Variants in ICE1 observed in about 807,000 individuals in gnomAD.
ICE1 encodes interactor of little elongation complex ELL subunit 1.
Under a neutral mutation model 192.7 loss-of-function variants are expected in ICE1, and 64 were observed. That is an observed-to-expected ratio of 0.33 (90% CI 0.27 to 0.41). The LOEUF is 0.41. Ranked by LOEUF, ICE1 falls within the 10% of genes least tolerant of loss-of-function variation. The pLI is 1.00. For synonymous variants in ICE1, 1,010 were observed against 984.5 expected (o/e 1.03, Z -0.49); for missense variants, 2,708 against 2,696.0 (o/e 1.00, Z -0.10).
chr5:5,467,143 A>G (rs1372860227), intron 14 of ICE1, among the ~76,000 whole-genome samples: 2 of 152,226 alleles, frequency 1.3e-5, no homozygotes, highest in African/African-American at 4.8e-5. Flanking sequence ...GAGTATATCC[A>G]TCACTTTTAC....
In ICE1 at chr5:5,461,457, C is replaced by G; in HGVS notation, c.2123C>G (p.Pro708Arg). 1.2e-6 allele frequency: 2 copies of G among 1,613,950 alleles called. No homozygotes were observed. The highest frequency in any genetic ancestry group is 1.7e-6 in the Non-Finnish European group (2 of 1,179,886). ...GAGAATAGCTTGTGTGCCTTGAGCC[C>G]TGAATTGGGAGCATCTAATTTTAAT... ...NLENSLCALS[P>R]ELGASNFNDQ... Residue 708 changes from proline (P) to arginine (R), a missense_variant, in exon 13 of 19, where the codon CCT becomes CGT. Coordinates refer to ENST00000296564, the MANE Select transcript of ICE1 (RefSeq NM_015325.3).
chr5:5,429,098 TCA>T (rs1171818900), intron 1 of ICE1, among the ~76,000 whole-genome samples: 1 of 151,890 alleles, frequency 6.6e-6, no homozygotes, highest in Non-Finnish European at 1.5e-5. Flanking sequence ...CCCAGTAGAG[TCA>T]CACAGCACAT....
intron 11 of ICE1, 56 bp downstream of exon 11, chr5:5,454,694 A>G (rs1281767098): frequency 6.8e-6 from 9 of 1,328,970 alleles, no homozygotes; most frequent in Admixed American, 1.8e-5. Flanking sequence ...GAGCTTAACC[A>G]TAGGCATAGC....
chr5:5,475,883 CTT>C, intron 16 of ICE1, 88 bp from the exon 17 acceptor site: 2 of 807,784 alleles, frequency 2.5e-6, no homozygotes, highest in Non-Finnish European at 4.1e-6. Context: ...CAGTTATCCT[CTT>C]TCACTTATTG....
At chr5:5,432,276 C>T (rs1273415140) in intron 1 of ICE1, among the ~76,000 whole-genome samples, 2 of 152,202 alleles carry the variant, frequency 1.3e-5, no homozygotes, top group Middle Eastern at 6.3e-3. Context: ...TGAATGGACT[C>T]TAGAATACAC....
At chr5:5,439,152 G>A (rs891368991) in intron 3 of ICE1, among the ~76,000 whole-genome samples, 2 of 152,048 alleles carry the variant, frequency 1.3e-5, no homozygotes, top group African/African-American at 4.8e-5. Flanking sequence ...GGCAAGAAAT[G>A]TATTTTATTT....
At chr5:5,444,357 C>G in intron 7 of ICE1, 31 bp downstream of exon 7, 1 of 1,520,444 alleles carries the variant, frequency 6.6e-7, no homozygotes, top group Non-Finnish European at 8.9e-7. Flanking sequence ...CTGAAGTTTT[C>G]GGTCAGTACA....
intron 18 of ICE1, 146 bp from the exon 19 acceptor site, chr5:5,489,003 T>G (rs1311679318): frequency 2.8e-6 from 2 of 716,180 alleles, no homozygotes; most frequent in African/African-American, 3.6e-5. Context: ...TAAATGAATT[T>G]TTTTACTGTG....
intron 15 of ICE1, among the ~76,000 whole-genome samples, chr5:5,470,805 A>C (rs772206476): frequency 5.3e-5 from 8 of 152,178 alleles, no homozygotes; most frequent in Non-Finnish European, 7.4e-5. Context: ...TGAAATTGAG[A>C]TATACATTCT....
At chr5:5,447,086 C>G (rs754836196) in intron 7 of ICE1, among the ~76,000 whole-genome samples, 5 of 152,288 alleles carry the variant, frequency 3.3e-5, no homozygotes, top group Admixed American at 6.5e-5. Context: ...TCTAAAATTT[C>G]TAGGACTTTA....
intron 17 of ICE1, among the ~76,000 whole-genome samples, chr5:5,482,554 G>A (rs373857720): frequency 1.3e-5 from 2 of 152,194 alleles, no homozygotes; most frequent in Non-Finnish European, 2.9e-5. Flanking sequence ...GGGCTGCCAC[G>A]TGTGCACAGG....
rs544555738 is a variant in ICE1, at chr5:5,469,745, C to T, written c.6222+757C>T. ...TGTTAGGCTTTTATTTTTTATAAAA[C>T]GTAAAGGAAAGAGCTTTTGGTGGTC... is the stretch of plus-strand genomic sequence containing the variant. On this transcript the variant is annotated intron_variant, in intron 15 of 18. Transcript: ENST00000296564. Among the ~76,000 whole-genome samples, 10 of 151,866 alleles carry T rather than the reference C, an allele frequency of 6.6e-5. No individual in the cohort carries two copies. In the East Asian group the frequency reaches 1.2e-3, roughly 18 times the overall value.
In ICE1 at chr5:5,459,618, T is replaced by C. The variant is rs568891144; in HGVS notation, c.1102-818T>C. Among the ~76,000 whole-genome samples the C allele has an allele frequency of 6.6e-5, 10 of 152,010 alleles. 1 individual carries two copies. In the South Asian group the frequency reaches 1.9e-3, roughly 28 times the overall value. ...AAGGAGATTGAAAAGAAGGGCAGAA[T>C]AGACGAAAGCCAGGAGATGATGGTA... On this transcript the variant is annotated intron_variant, in intron 12 of 18. Transcript: ENST00000296564.
At chr5:5,439,503 C>T (rs1737975566) in intron 3 of ICE1, among the ~76,000 whole-genome samples, 1 of 152,046 alleles carries the variant, frequency 6.6e-6, no homozygotes, top group East Asian at 1.9e-4. Context: ...AAGTACATAA[C>T]TTTTGTTTGC....
intron 18 of ICE1, among the ~76,000 whole-genome samples, chr5:5,487,861 C>T (rs1042238600): frequency 3.9e-5 from 6 of 152,126 alleles, no homozygotes; most frequent in South Asian, 2.1e-4. Context: ...CACAGCCTAA[C>T]GGGATCCCCA....
Position 5,463,713 on chromosome 5 carries a change from G to A in ICE1, c.4379G>A (p.Gly1460Asp). ...ISQDQGELEA[G>D]CIPVTSAEKS... Reference sequence around the variant, plus strand: ...CAGGATCAAGGAGAGCTGGAAGCTGGTTGCATCCCAGTGACTTCTGCTGAG... The same window carrying A: ...CAGGATCAAGGAGAGCTGGAAGCTGATTGCATCCCAGTGACTTCTGCTGAG... Residue 1460 changes from glycine (G) to aspartate (D), a missense_variant, in exon 13 of 19, where the codon GGT becomes GAT. By Grantham distance (94) the Gly-to-Asp change is moderately conservative (BLOSUM62 -1). Coordinates refer to ENST00000296564, the MANE Select transcript of ICE1 (RefSeq NM_015325.3). The A allele has an allele frequency of 6.2e-7, 1 of 1,613,870 alleles. No individual in the cohort carries two copies. Among genetic ancestry groups the A allele is most frequent in the Non-Finnish European group, 8.5e-7 (1 of 1,179,846 alleles).
At chr5:5,447,560 C>A in intron 8 of ICE1, 51 bp downstream of exon 8, 1 of 1,433,698 alleles carries the variant, frequency 7.0e-7, no homozygotes, top group South Asian at 1.3e-5. Context: ...GCTCCAGGGT[C>A]TCTGTAGTGT....
At chr5:5,447,207 C>T (rs572444039) in intron 7 of ICE1, among the ~76,000 whole-genome samples, 133 of 152,164 alleles carry the variant, frequency 8.7e-4, no homozygotes, top group Middle Eastern at 3.4e-3. Flanking sequence ...TTAAGGCCTG[C>T]GCTAGTTCTG....
At chr5:5,439,180 A>G (rs1229922141) in intron 3 of ICE1, among the ~76,000 whole-genome samples, 1 of 152,074 alleles carries the variant, frequency 6.6e-6, no homozygotes, top group African/African-American at 2.4e-5. Flanking sequence ...TATTTTTTGA[A>G]CTTTCCTATT....
Sources: gnomAD v4.1 joint callset for allele counts (sites outside exome capture counted in the v4.1 genomes callset) on GRCh38, gnomAD v4.1.1 for gene constraint, MANE v1.5 for transcripts, NCBI Gene and HGNC (gene_info 2026-07-23, HGNC 2026-07-21) for gene names.